MEF2A: variants seen among roughly 807,000 people sequenced by gnomAD.
The protein encoded by MEF2A is myocyte-specific enhancer factor 2A.
In MEF2A, 28 loss-of-function variants were observed where a neutral mutation model predicts 55.8. The observed-to-expected ratio is 0.50, with a 90% CI of 0.37 to 0.69. The LOEUF (loss-of-function observed/expected upper bound fraction) is 0.69. MEF2A is among the 30% of genes least tolerant of loss of function. The pLI is 0.00. For missense variants in MEF2A, 528 were observed against 626.2 expected, an observed-to-expected ratio of 0.84 and a Z score of 1.67; for synonymous variants, 239 against 227.1, an observed-to-expected ratio of 1.05 and a Z score of -0.47.
At chr15:99,681,574 A>G (rs2053252579) in intron 7 of MEF2A, among the ~76,000 whole-genome samples, 1 of 152,310 alleles carries the variant, frequency 6.6e-6, no homozygotes. Flanking sequence ...AGAAGAAGAT[A>G]TGTTGCCTTT....
In MEF2A at chr15:99,713,060, T is replaced by G; in HGVS notation, c.*289T>G. On this transcript the variant is annotated 3_prime_UTR_variant, in exon 12 of 12. Coordinates refer to ENST00000557942, the MANE Select transcript of MEF2A (RefSeq NM_001319206.4). ...CTGGCACTTCCTTGGACTACTTGTT[T>G]CGTAAAGATAACCAGTTTTTGCAGA... 4.2e-6 allele frequency: 2 copies of G among 474,780 alleles called. No individual in the cohort carries two copies. The highest frequency in any genetic ancestry group is 5.2e-5 in the South Asian group (1 of 19,092). The allele number at this position is 474,780 out of a possible 1,614,324, so 29.4% of individuals were successfully genotyped here.
intron 8 of MEF2A, among the ~76,000 whole-genome samples, chr15:99,702,136 T>C (rs992076872): frequency 1.3e-5 from 2 of 152,374 alleles, no homozygotes; most frequent in East Asian, 1.9e-4. Context: ...TATGTAAAGA[T>C]ATCTATAACA....
intron 5 of MEF2A, among the ~76,000 whole-genome samples, chr15:99,671,886 C>A (rs193225712): frequency 6.6e-6 from 1 of 152,204 alleles, no homozygotes; most frequent in Non-Finnish European, 1.5e-5. Context: ...GACTTTGCTA[C>A]TTCTTACCCC....
At chr15:99,636,108 T>C (rs1472260471) in intron 3 of MEF2A, among the ~76,000 whole-genome samples, 1 of 152,202 alleles carries the variant, frequency 6.6e-6, no homozygotes, top group Non-Finnish European at 1.5e-5. Flanking sequence ...TGAACAATAG[T>C]AATTTAATGT....
chr15:99,582,649 C>T (rs760385344), intron 1 of MEF2A, among the ~76,000 whole-genome samples: 2 of 152,020 alleles, frequency 1.3e-5, no homozygotes, highest in African/African-American at 2.4e-5. Flanking sequence ...CAGGATTTTA[C>T]GCTTTGCAAA....
intron 4 of MEF2A, among the ~76,000 whole-genome samples, chr15:99,659,304 T>C (rs1457749104): frequency 2.6e-5 from 4 of 152,126 alleles, no homozygotes; most frequent in Non-Finnish European, 5.9e-5. Context: ...TACTACCATT[T>C]GTTAGGATTT....
Position 99,710,636 on chromosome 15 carries a change from T to C in MEF2A, c.1012T>C (p.Tyr338His). The C allele has an allele frequency of 6.2e-7, 1 of 1,609,562 alleles. No homozygotes were observed. Among genetic ancestry groups the C allele is most frequent in the South Asian group, 1.1e-5 (1 of 90,998 alleles). Residue 338 changes from tyrosine to histidine, a missense_variant and splice_region_variant, in exon 11 of 12, where the codon TAT becomes CAT. Physicochemically the swap from Tyr to His is moderately conservative, Grantham distance 83 (BLOSUM62 2). Transcript: ENST00000557942. The stretch of plus-strand genomic sequence containing the variant: ...AGCCCTCTTGTCTTCCTTTGTAGAT[T>C]ATTCACTGACCAGCGCTGACCTGTC... ...SAMPTAYNTD[Y>H]SLTSADLSAL...
At chr15:99,620,357 G>A (rs2040933494) in intron 2 of MEF2A, among the ~76,000 whole-genome samples, 2 of 152,134 alleles carry the variant, frequency 1.3e-5, no homozygotes, top group Admixed American at 6.5e-5. Context: ...CCTCCCTCTA[G>A]TAGTCTCCAG....
rs143449738 is a variant in MEF2A at position 99,703,938 on chromosome 15, C to T, written c.882+553C>T. Among the ~76,000 whole-genome samples the T allele has an allele frequency of 1.2e-4, 18 of 152,274 alleles. 1 individual carries two copies. In the East Asian group the frequency reaches 1.7e-3, roughly 15 times the overall value. On this transcript the variant is annotated intron_variant, in intron 9 of 11. Coordinates refer to ENST00000557942, the MANE Select transcript of MEF2A (RefSeq NM_001319206.4). ...ATAAGTTTACTTTTCTATCAGAAGG[C>T]GCTCTTTTCTTAAAAGCAACTATTG...
At chr15:99,614,167 TA>T (rs2039791048) in intron 2 of MEF2A, among the ~76,000 whole-genome samples, 1 of 152,206 alleles carries the variant, frequency 6.6e-6, no homozygotes, top group Non-Finnish European at 1.5e-5. Flanking sequence ...CATGAGATAA[TA>T]TATATTAAGG....
intron 2 of MEF2A, among the ~76,000 whole-genome samples, chr15:99,600,927 A>C (rs1972755819): frequency 6.6e-6 from 1 of 152,168 alleles, no homozygotes; most frequent in African/African-American, 2.4e-5. Context: ...CTTAATTTCT[A>C]CAAAAAAAGC....
intron 4 of MEF2A, among the ~76,000 whole-genome samples, chr15:99,670,114 TAA>T (rs2050570690): frequency 6.6e-6 from 1 of 152,144 alleles, no homozygotes. Flanking sequence ...AAGAAAGAAA[TAA>T]GACATTCTGA....
At chr15:99,644,918 C>A (rs941200614) in intron 3 of MEF2A, among the ~76,000 whole-genome samples, 1 of 151,872 alleles carries the variant, frequency 6.6e-6, no homozygotes, top group Non-Finnish European at 1.5e-5. Flanking sequence ...AAAGTAGTGT[C>A]GAAGAGAGAA....
At chr15:99,622,573 T>G (rs1401282824) in intron 2 of MEF2A, among the ~76,000 whole-genome samples, 1 of 152,210 alleles carries the variant, frequency 6.6e-6, no homozygotes, top group Non-Finnish European at 1.5e-5. Context: ...GTTTGAAATT[T>G]GTAAAACATA....
chr15:99,708,115 TTC>T (rs1282464874), intron 10 of MEF2A, among the ~76,000 whole-genome samples: 2 of 152,210 alleles, frequency 1.3e-5, no homozygotes, highest in African/African-American at 2.4e-5. Context: ...TTCATAGAAA[TTC>T]TGTTTCGACG....
At chr15:99,706,898 GT>G (rs1192155993) in intron 10 of MEF2A, 43 bp downstream of exon 10, 1 of 1,582,962 alleles carries the variant, frequency 6.3e-7, no homozygotes, top group African/African-American at 1.4e-5. Flanking sequence ...ACCGCTCTCT[GT>G]TTTGTGATCA....
At chr15:99,678,059 TAACAA>T (rs949883903) in intron 7 of MEF2A, among the ~76,000 whole-genome samples, 4 of 152,190 alleles carry the variant, frequency 2.6e-5, no homozygotes, top group African/African-American at 9.6e-5. Flanking sequence ...CAAATTGAAT[TAACAA>T]AACAAATACT....
intron 11 of MEF2A, among the ~76,000 whole-genome samples, chr15:99,711,672 T>C (rs1486436027): frequency 1.3e-5 from 2 of 152,202 alleles, no homozygotes; most frequent in Non-Finnish European, 2.9e-5. Flanking sequence ...AGCAGTCCCT[T>C]TCCCTCATCC....
At chr15:99,611,452 G>T (rs575213248) in intron 2 of MEF2A, among the ~76,000 whole-genome samples, 1 of 152,178 alleles carries the variant, frequency 6.6e-6, no homozygotes, top group Non-Finnish European at 1.5e-5. Flanking sequence ...TTAGGGAAAT[G>T]CAGAATTAAA....
Sources: allele counts gnomAD v4.1 joint callset (sites outside exome capture counted in the v4.1 genomes callset), GRCh38; gene constraint gnomAD v4.1.1; transcripts MANE v1.5; gene names NCBI Gene and HGNC (gene_info 2026-07-23, HGNC 2026-07-21).